DLG2: variants seen among roughly 807,000 people sequenced by gnomAD.
DLG2 encodes discs large MAGUK scaffold protein 2, also known as disks large homolog 2.
DLG2 carries 45 observed loss-of-function variants against 132.5 expected under a neutral mutation model. The ratio of observed to expected loss-of-function variants is 0.34; its 90% CI spans 0.27 to 0.44. The LOEUF is 0.44. Among genes scored for constraint, DLG2 ranks in the 20% least tolerant of loss-of-function variants. The probability of loss-of-function intolerance (pLI) is 1.00; values close to 1 mark genes in which losing one functional copy is unlikely to be tolerated. For synonymous variants in DLG2, 424 were observed against 419.6 expected, an observed-to-expected ratio of 1.01 and a Z score of -0.13; for missense variants, 1,045 against 1,196.9, an observed-to-expected ratio of 0.87 and a Z score of 1.87.
At chr11:84,557,685 T>G (rs1294019365) in intron 6 of DLG2, among the ~76,000 whole-genome samples, 1 of 151,992 alleles carries the variant, frequency 6.6e-6, no homozygotes, top group Non-Finnish European at 1.5e-5. Flanking sequence ...GAGAGAGATA[T>G]TTGGGCTTTT....
chr11:83,927,355 T>C (rs749102287), intron 15 of DLG2, among the ~76,000 whole-genome samples: 3 of 151,866 alleles, frequency 2.0e-5, no homozygotes, highest in African/African-American at 4.8e-5. Flanking sequence ...TTATGAAAAA[T>C]AGAAAGAAAA....
At chr11:85,078,273 T>C (rs891881705) in intron 6 of DLG2, among the ~76,000 whole-genome samples, 2 of 150,688 alleles carry the variant, frequency 1.3e-5, no homozygotes, top group Non-Finnish European at 3.0e-5. Flanking sequence ...GTGTGTGGAC[T>C]AGAGGAAGGG....
intron 19 of DLG2, among the ~76,000 whole-genome samples, chr11:83,550,655 A>G (rs1484225563): frequency 1.3e-5 from 2 of 152,142 alleles, no homozygotes; most frequent in Non-Finnish European, 2.9e-5. Context: ...CCTTTCCCCC[A>G]AATGCCATCA....
intron 4 of DLG2, among the ~76,000 whole-genome samples, chr11:85,243,530 T>C (rs1241827827): frequency 6.6e-6 from 1 of 152,012 alleles, no homozygotes; most frequent in African/African-American, 2.4e-5. Context: ...TATAGCTTAT[T>C]TACCAGCTGT....
At chr11:83,875,348 T>C (rs1173940699) in intron 15 of DLG2, among the ~76,000 whole-genome samples, 2 of 152,164 alleles carry the variant, frequency 1.3e-5, no homozygotes, top group African/African-American at 4.8e-5. Context: ...TGTCTCTTAT[T>C]TCTCATAAAT....
chr11:85,421,244 C>T (rs2090283768), intron 3 of DLG2, among the ~76,000 whole-genome samples: 2 of 152,110 alleles, frequency 1.3e-5, no homozygotes, highest in African/African-American at 2.4e-5. Context: ...CTTGCATTTC[C>T]CTGCTTCAGC....
intron 4 of DLG2, among the ~76,000 whole-genome samples, chr11:85,180,183 A>C (rs556210916): frequency 1.3e-5 from 2 of 151,950 alleles, no homozygotes; most frequent in African/African-American, 4.8e-5. Flanking sequence ...AATACCATCC[A>C]AAGTTTGATT....
At chr11:85,112,833 C>T (rs955810232) in intron 5 of DLG2, among the ~76,000 whole-genome samples, 2 of 152,066 alleles carry the variant, frequency 1.3e-5, no homozygotes, top group African/African-American at 4.8e-5. Context: ...GAAGTTGCCT[C>T]TGTTATTTTA....
At chr11:84,749,374 G>T (rs190745779) in intron 6 of DLG2, among the ~76,000 whole-genome samples, 125 of 152,308 alleles carry the variant, frequency 8.2e-4, no homozygotes, top group Admixed American at 5.3e-3. Flanking sequence ...ATCATGTGCT[G>T]CCATAACAAC....
chr11:85,449,720 A>G (rs1485925489), intron 3 of DLG2, among the ~76,000 whole-genome samples: 3 of 150,986 alleles, frequency 2.0e-5, no homozygotes, highest in African/African-American at 4.9e-5. Flanking sequence ...TTGAAGCTAC[A>G]TTCAGTGAAA....
At chr11:83,475,770 C>A (rs986660483) in intron 22 of DLG2, among the ~76,000 whole-genome samples, 1 of 148,812 alleles carries the variant, frequency 6.7e-6, no homozygotes, top group Non-Finnish European at 1.5e-5. Context: ...TTTTCTTTTG[C>A]TGTTGTGTCA....
chr11:83,741,504 CCAA>C (rs1224847063), intron 18 of DLG2, among the ~76,000 whole-genome samples: 6 of 151,978 alleles, frequency 3.9e-5, no homozygotes, highest in African/African-American at 1.5e-4. Context: ...TTTCTATATA[CCAA>C]CAACATCATG....
At chr11:84,216,091 A>G (rs1180678493) in intron 8 of DLG2, among the ~76,000 whole-genome samples, 1 of 152,178 alleles carries the variant, frequency 6.6e-6, no homozygotes, top group African/African-American at 2.4e-5. Flanking sequence ...AGGTTACATC[A>G]AAGTGTCACC....
intron 10 of DLG2, among the ~76,000 whole-genome samples, chr11:84,084,554 A>G (rs1435250080): frequency 6.6e-6 from 1 of 152,158 alleles, no homozygotes; most frequent in Admixed American, 6.5e-5. Flanking sequence ...TTACCATTTT[A>G]TAAGCTCAAT....
At chr11:84,330,504 G>C (rs1009643967) in intron 7 of DLG2, among the ~76,000 whole-genome samples, 3 of 152,192 alleles carry the variant, frequency 2.0e-5, no homozygotes, top group Non-Finnish European at 4.4e-5. Context: ...ATTAGCAGGA[G>C]TGACACCAGG....
chr11:83,594,343 A>T (rs2097249121), intron 19 of DLG2, among the ~76,000 whole-genome samples: 1 of 152,224 alleles, frequency 6.6e-6, no homozygotes, highest in African/African-American at 2.4e-5. Context: ...TGAGAAATAA[A>T]CTTTTATGTG....
At chr11:83,514,638 C>T (rs1373079021) in intron 21 of DLG2, among the ~76,000 whole-genome samples, 1 of 152,176 alleles carries the variant, frequency 6.6e-6, no homozygotes, top group Non-Finnish European at 1.5e-5. Flanking sequence ...CCAGTTTTTG[C>T]CCATTCAGTA....
chr11:85,249,041 G>A (rs1358636431), intron 4 of DLG2, among the ~76,000 whole-genome samples: 1 of 152,034 alleles, frequency 6.6e-6, no homozygotes, highest in African/African-American at 2.4e-5. Flanking sequence ...TTTAAAGAGT[G>A]TAGCCACTAT....
At chr11:83,519,175 A>G (rs978270673) in intron 21 of DLG2, among the ~76,000 whole-genome samples, 1 of 152,348 alleles carries the variant, frequency 6.6e-6, no homozygotes, top group African/African-American at 2.4e-5. Context: ...GGGCCTTTGC[A>G]GTGGTTCTGC....
Sources: allele counts gnomAD v4.1 joint callset (sites outside exome capture counted in the v4.1 genomes callset), GRCh38; gene constraint gnomAD v4.1.1; transcripts MANE v1.5; gene names NCBI Gene and HGNC (gene_info 2026-07-23, HGNC 2026-07-21).